CCN6: variants seen among roughly 807,000 people sequenced by gnomAD.
CCN6 encodes the protein CCN family member 6.
A neutral mutation model predicts 37.4 loss-of-function variants in CCN6; 31 were observed. That is an observed-to-expected ratio of 0.83 (90% confidence interval 0.62 to 1.12). CCN6 has a LOEUF of 1.12. Among genes scored for constraint, CCN6 ranks in the 50% most tolerant of loss-of-function variants. The pLI is 0.00. For synonymous variants in CCN6, 137 were observed against 142.1 expected (o/e 0.96, Z 0.26); for missense variants, 369 against 413.8 (o/e 0.89, Z 0.94).
chr6:112,057,320 C>T (rs1162770273), intron 1 of CCN6, among the ~76,000 whole-genome samples: 1 of 152,216 alleles, frequency 6.6e-6, no homozygotes. Context: ...AGTAATACAA[C>T]CAGACATGTT....
chr6:112,063,493 C>A (rs1554313253), intron 2 of CCN6, among the ~76,000 whole-genome samples: 2 of 152,020 alleles, frequency 1.3e-5, no homozygotes, highest in Non-Finnish European at 2.9e-5. Flanking sequence ...TAGAGATGTT[C>A]AAAATATTGA....
chr6:112,062,719 C>T (rs1776564350), intron 2 of CCN6, among the ~76,000 whole-genome samples: 1 of 152,220 alleles, frequency 6.6e-6, no homozygotes, highest in Non-Finnish European at 1.5e-5. Context: ...TTTGCAATGG[C>T]AGAGTCAGTA....
chr6:112,061,902 A>T (rs1226342303), intron 2 of CCN6, among the ~76,000 whole-genome samples: 5 of 152,234 alleles, frequency 3.3e-5, no homozygotes, highest in Non-Finnish European at 7.3e-5. Context: ...GATTAAACAA[A>T]TAAAATTTAT....
rs1776635075 is a variant in CCN6 at position 112,064,942 on chromosome 6, CTG to C, written c.536_537del (p.Cys179Ter). 6.2e-7 allele frequency: 1 copy of C among 1,614,086 alleles called. No homozygotes were observed. Among genetic ancestry groups the C allele is most frequent in the Non-Finnish European group, 8.5e-7 (1 of 1,179,942 alleles). ...GTGGAAAGAAGTCTGATCAGTCAAA[CTG>C]TAGCCTGGAACCATTACTACAGCAG... ...KGGKKSDQSN[C>X]SLEPLLQQLS... On this transcript the variant is annotated frameshift_variant, in exon 3 of 5. Coordinates refer to ENST00000368666, the MANE Select transcript of CCN6 (RefSeq NM_198239.2). LOFTEE classifies it high-confidence loss of function.
chr6:112,055,618 C>G (rs587756236), intron 1 of CCN6, among the ~76,000 whole-genome samples: 2 of 146,524 alleles, frequency 1.4e-5, no homozygotes, highest in East Asian at 3.9e-4. Context: ...GAGACAGAGC[C>G]TTGCTCTGTC....
intron 3 of CCN6, among the ~76,000 whole-genome samples, chr6:112,066,770 G>A (rs1368472942): frequency 6.6e-6 from 1 of 152,082 alleles, no homozygotes. Context: ...TATGAAGCAC[G>A]CAATGACATA....
At chr6:112,065,704 C>T (rs1386506986) in intron 3 of CCN6, among the ~76,000 whole-genome samples, 2 of 152,020 alleles carry the variant, frequency 1.3e-5, no homozygotes, top group African/African-American at 4.8e-5. Context: ...TCTATGTTCT[C>T]AGAAAAATGA....
upstream of CCN6, among the ~76,000 whole-genome samples, chr6:112,053,851 A>G (rs1583568430): frequency 9.5e-6 from 1 of 104,954 alleles, no homozygotes; most frequent in Admixed American, 1.0e-4. Flanking sequence ...CTAGGCTGCG[A>G]TGGGTGCTGT....
chr6:112,058,150 C>G (rs368650774), intron 1 of CCN6, among the ~76,000 whole-genome samples: 14 of 152,150 alleles, frequency 9.2e-5, no homozygotes, highest in African/African-American at 3.4e-4. Flanking sequence ...TCCTTTTCCC[C>G]TGCTCCTTCT....
intron 1 of CCN6, among the ~76,000 whole-genome samples, chr6:112,056,644 T>C (rs1350605930): frequency 6.6e-6 from 1 of 152,204 alleles, no homozygotes; most frequent in Non-Finnish European, 1.5e-5. Flanking sequence ...GCCTCCTGAG[T>C]AGCTGGGACT....
chr6:112,069,325 A>G lies in CCN6; in HGVS notation c.784-14A>G, dbSNP rs1554314685. The G allele has an allele frequency of 1.2e-6, 2 of 1,611,572 alleles. No homozygotes were observed. The highest frequency in any genetic ancestry group is 2.2e-5 in the East Asian group (1 of 44,796). Reference sequence around the variant, plus strand: ...AAAATTTAAAGAATGACTTCATTTTATCTATCTTTTCAGATTCCCAAAGGA... The same window carrying G: ...AAAATTTAAAGAATGACTTCATTTTGTCTATCTTTTCAGATTCCCAAAGGA... On this transcript the variant is annotated splice_polypyrimidine_tract_variant and intron_variant, in intron 4 of 4. Coordinates refer to ENST00000368666, the MANE Select transcript of CCN6 (RefSeq NM_198239.2).
At chr6:112,066,698 T>C (rs1776705947) in intron 3 of CCN6, among the ~76,000 whole-genome samples, 1 of 152,236 alleles carries the variant, frequency 6.6e-6, no homozygotes, top group Non-Finnish European at 1.5e-5. Flanking sequence ...ACACATACTT[T>C]TAGATATATT....
intron 4 of CCN6, among the ~76,000 whole-genome samples, chr6:112,068,646 A>G (rs1279498772): frequency 2.0e-5 from 3 of 152,180 alleles, no homozygotes; most frequent in African/African-American, 7.2e-5. Flanking sequence ...TTTGGTTGCT[A>G]CACTATAATT....
Position 112,068,155 on chromosome 6 carries a change from T to C in CCN6, c.590-50T>C, listed in dbSNP as rs782749427. The C allele has an allele frequency of 5.1e-6, 7 of 1,374,270 alleles. No individual in the cohort carries two copies. In the Admixed American group the frequency reaches 9.3e-5, roughly 18 times the overall value. 85.1% of individuals were successfully genotyped at this position (1,374,270 alleles called of 1,614,324 possible). A position where few individuals can be genotyped will look rare whatever the true frequency, so the allele number is the denominator to read the frequency against. On this transcript the variant is annotated intron_variant, in intron 3 of 4. Coordinates refer to ENST00000368666, the MANE Select transcript of CCN6 (RefSeq NM_198239.2). ...AACATGATTAAAAATTATCTATTTA[T>C]ACAAGTACATTTATATGTATACATA...
At chr6:112,052,885 A>T (rs1429953062), upstream of CCN6, among the ~76,000 whole-genome samples, 1 of 152,158 alleles carries the variant, frequency 6.6e-6, no homozygotes, top group Non-Finnish European at 1.5e-5. Flanking sequence ...TTCTCCAAGG[A>T]CACCAGATTC....
Position 112,061,383 on chromosome 6 carries a change from G to T in CCN6, c.346+95G>T, listed in dbSNP as rs960472071. 5 of 1,544,126 alleles carry T rather than the reference G, an allele frequency of 3.2e-6. No individual in the cohort carries two copies. In the African/African-American group the frequency reaches 6.8e-5, roughly 21 times the overall value. ...TAGCTTGGAGTGATCAGCTTAGTTT[G>T]GCTAAATATGAGGTGGGTTTAGTTT... On this transcript the variant is annotated intron_variant, in intron 2 of 4. Transcript: ENST00000368666.
Position 112,069,632 on chromosome 6 carries a change from T to C in CCN6, c.*12T>C. ...TCAAGATTCTGTAAAACCAAGCAAA[T>C]GGGGGAAAAGTTAGTCAATCCTGTC... On this transcript the variant is annotated 3_prime_UTR_variant, in exon 5 of 5. Coordinates refer to ENST00000368666, the MANE Select transcript of CCN6 (RefSeq NM_198239.2). 6.2e-7 allele frequency: 1 copy of C among 1,613,348 alleles called. No homozygotes were observed. Among genetic ancestry groups the C allele is most frequent in the South Asian group, 1.1e-5 (1 of 91,016 alleles).
At chr6:112,063,532 A>C (rs191374161) in intron 2 of CCN6, among the ~76,000 whole-genome samples, 1 of 152,338 alleles carries the variant, frequency 6.6e-6, no homozygotes, top group East Asian at 1.9e-4. Context: ...ATCTAAAAAA[A>C]ATCACATTAA....
chr6:112,060,946 A>T, intron 1 of CCN6, 45 bp from the exon 2 acceptor site: 1 of 1,609,374 alleles, frequency 6.2e-7, no homozygotes, highest in Non-Finnish European at 8.5e-7. Flanking sequence ...TTATACTATT[A>T]CATAGAGAAG....
Sources: allele counts gnomAD v4.1 joint callset (sites outside exome capture counted in the v4.1 genomes callset), GRCh38; gene constraint gnomAD v4.1.1; transcripts MANE v1.5; gene names NCBI Gene and HGNC (gene_info 2026-07-23, HGNC 2026-07-21).